TOR1AIP2: variants seen among roughly 807,000 people sequenced by gnomAD.
The protein encoded by TOR1AIP2 is torsin-1A-interacting protein 2.
Under a neutral mutation model 32.6 loss-of-function variants are expected in TOR1AIP2, and 20 were observed. The ratio of observed to expected loss-of-function variants is 0.61; its 90% CI spans 0.43 to 0.89. The LOEUF (loss-of-function observed/expected upper bound fraction) is 0.89, where lower values mean the gene tolerates loss of function less well. Among genes scored for constraint, TOR1AIP2 ranks in the 40% least tolerant of loss-of-function variants. TOR1AIP2 has a pLI of 0.00. For synonymous variants in TOR1AIP2, 214 were observed against 210.8 expected, an observed-to-expected ratio of 1.02 and a Z score of -0.13; for missense variants, 456 against 553.8, an observed-to-expected ratio of 0.82 and a Z score of 1.77.
chr1:179,858,144 C>T (rs1322566852), intron 3 of TOR1AIP2, among the ~76,000 whole-genome samples: 1 of 150,234 alleles, frequency 6.7e-6, no homozygotes. Flanking sequence ...GACCCTGTCT[C>T]GGGGGAAAAA....
intron 2 of TOR1AIP2, among the ~76,000 whole-genome samples, chr1:179,866,301 T>TA (rs1471926555): frequency 6.6e-6 from 1 of 151,966 alleles, no homozygotes; most frequent in Non-Finnish European, 1.5e-5. Context: ...ATAATATTCT[T>TA]AAAAGCTAAC....
Position 179,863,371 on chromosome 1 carries a change from T to C in TOR1AIP2, c.-147+2065A>G, listed in dbSNP as rs138925023. On this transcript the variant is annotated intron_variant, in intron 3 of 6. Coordinates refer to ENST00000609928, the MANE Select transcript of TOR1AIP2 (RefSeq NM_001199260.2). ...TTTCTAATGAGATGTAAGAAGAAAT[T>C]TGCTAGGGATTTTTGGGAAAGACTT... The C allele has an allele frequency of 1.1e-4, 113 of 985,140 alleles. 4 individuals carry two copies. In the East Asian group the frequency reaches 8.3e-3, roughly 72 times the overall value. 61.0% of individuals were successfully genotyped at this position (985,140 alleles called of 1,614,324 possible).
In TOR1AIP2 at chr1:179,843,275, G is replaced by C. The variant is rs570696940; in HGVS notation, c.*2796C>G. ...AATCCTAGCACTTTGAAAGACCAAGGCAGGCGGATCAATTGAGGCCAGGAG... is the reference window on the plus strand; with the variant it reads ...AATCCTAGCACTTTGAAAGACCAAGCCAGGCGGATCAATTGAGGCCAGGAG... On this transcript the variant is annotated 3_prime_UTR_variant, in exon 7 of 7. Coordinates refer to ENST00000609928, the MANE Select transcript of TOR1AIP2 (RefSeq NM_001199260.2). The C allele has an allele frequency of 6.6e-6, 1 of 151,818 alleles. No homozygotes were observed. Among genetic ancestry groups the C allele is most frequent in the Non-Finnish European group, 1.5e-5 (1 of 67,926 alleles). 9.4% of individuals were successfully genotyped at this position (151,818 alleles called of 1,614,324 possible). A position where few individuals can be genotyped will look rare whatever the true frequency, so the allele number is the denominator to read the frequency against.
chr1:179,847,091 A>G (rs1417265893), intron 6 of TOR1AIP2, among the ~76,000 whole-genome samples: 1 of 152,250 alleles, frequency 6.6e-6, no homozygotes, highest in Non-Finnish European at 1.5e-5. Flanking sequence ...ATTTTTAAAA[A>G]TAAAAGGTAA....
Position 179,840,393 on chromosome 1 carries a change from A to C in TOR1AIP2, c.*5678T>G, listed in dbSNP as rs1427803130. Reference sequence around the variant, plus strand: ...AAGTCTAAAATGTTCTTTTTGGTTCATGTAACTGCGCTTAGCCAAAGGCAA... The same window carrying C: ...AAGTCTAAAATGTTCTTTTTGGTTCCTGTAACTGCGCTTAGCCAAAGGCAA... On this transcript the variant is annotated 3_prime_UTR_variant, in exon 7 of 7. Transcript: ENST00000609928. The C allele has an allele frequency of 6.6e-6, 1 of 152,216 alleles. No individual in the cohort carries two copies. Among genetic ancestry groups the C allele is most frequent in the African/African-American group, 2.4e-5 (1 of 41,444 alleles). 9.4% of individuals were successfully genotyped at this position (152,216 alleles called of 1,614,324 possible).
intron 6 of TOR1AIP2, 80 bp downstream of exon 6, chr1:179,847,455 A>G (rs1390214804): frequency 3.1e-5 from 29 of 926,642 alleles, no homozygotes; most frequent in Non-Finnish European, 5.0e-5. Flanking sequence ...AACTGTTTAA[A>G]TCTGCTAGTT....
rs188595385 is a variant in TOR1AIP2, at chr1:179,858,476, A to G, written c.-146-5665T>C. 1.6e-4 allele frequency among the ~76,000 whole-genome samples: 24 copies of G among 152,342 alleles called. No individual in the cohort carries two copies. The East Asian group carries it at 3.9e-3, about 24-fold the overall frequency. ...GAGGTAAATGGGATAAAATGTTCAT[A>G]TATTTTAGATCTGGGCAAAGGTCTT... On this transcript the variant is annotated intron_variant, in intron 3 of 6. Coordinates refer to ENST00000609928, the MANE Select transcript of TOR1AIP2 (RefSeq NM_001199260.2).
chr1:179,852,534 C>A, intron 4 of TOR1AIP2, 98 bp downstream of exon 4: 1 of 1,323,810 alleles, frequency 7.6e-7, no homozygotes, highest in Non-Finnish European at 1.1e-6. Context: ...AGCTTTTTTA[C>A]TTCAAAACCT....
intron 2 of TOR1AIP2, among the ~76,000 whole-genome samples, chr1:179,871,761 CT>C (rs1372232952): frequency 6.6e-6 from 1 of 152,076 alleles, no homozygotes; most frequent in Non-Finnish European, 1.5e-5. Flanking sequence ...ATAATCATAA[CT>C]TTTTTTGTAT....
intron 2 of TOR1AIP2, chr1:179,874,015 T>C (rs1483753906): frequency 1.3e-5 from 2 of 152,200 alleles, no homozygotes; most frequent in Non-Finnish European, 2.9e-5. Flanking sequence ...TCCTAGTTCC[T>C]TTAAAAACCA....
chr1:179,863,315 A>C (rs1262249537), intron 3 of TOR1AIP2: 18 of 984,826 alleles, frequency 1.8e-5, no homozygotes, highest in Non-Finnish European at 2.2e-5. Context: ...CCCTTTGCCA[A>C]GGTTTCCCAG....
intron 4 of TOR1AIP2, among the ~76,000 whole-genome samples, chr1:179,851,903 C>T (rs1696128549): frequency 6.6e-6 from 1 of 152,204 alleles, no homozygotes. Flanking sequence ...TATAGGGATA[C>T]AGGAATACAT....
intron 2 of TOR1AIP2, among the ~76,000 whole-genome samples, chr1:179,866,419 T>G (rs1696775353): frequency 6.6e-6 from 1 of 152,172 alleles, no homozygotes; most frequent in Non-Finnish European, 1.5e-5. Context: ...TGTTTGTTTT[T>G]TTTTCTTTTT....
Position 179,859,043 on chromosome 1 carries a change from A to T in TOR1AIP2, c.-146-6232T>A, listed in dbSNP as rs529003574. On this transcript the variant is annotated intron_variant, in intron 3 of 6. Transcript: ENST00000609928. ...TGACAGTTGGGGTAGAATTAAGTAT[A>T]TATCTTTATTTTTAAACACAATTTT... 77 of 982,374 alleles carry T rather than the reference A, an allele frequency of 7.8e-5. No homozygotes were observed. The African/African-American group carries it at 1.3e-3, about 17-fold the overall frequency. The allele number at this position is 982,374 out of a possible 1,614,324, so 60.9% of individuals were successfully genotyped here. A position where few individuals can be genotyped will look rare whatever the true frequency, so the allele number is the denominator to read the frequency against.
intron 2 of TOR1AIP2, among the ~76,000 whole-genome samples, chr1:179,872,055 C>T (rs575905861): frequency 4.6e-5 from 7 of 152,186 alleles, no homozygotes; most frequent in Non-Finnish European, 8.8e-5. Context: ...ACACTGTTCC[C>T]TCTTTAGAAC....
At chr1:179,876,046 C>A (rs1396213105) in intron 2 of TOR1AIP2, 1 of 152,050 alleles carries the variant, frequency 6.6e-6, no homozygotes, top group Non-Finnish European at 1.5e-5. Flanking sequence ...TGGAAGTTGT[C>A]GAATCTCCAA....
chr1:179,846,969 T>G (rs1256853907), intron 6 of TOR1AIP2, 141 bp from the exon 7 acceptor site: 6 of 824,644 alleles, frequency 7.3e-6, no homozygotes, highest in Non-Finnish European at 1.1e-5. Flanking sequence ...TTGTTTAAAC[T>G]TTCAATCCAC....
intron 3 of TOR1AIP2, chr1:179,859,748 C>T (rs932460890): frequency 3.1e-5 from 31 of 985,418 alleles, no homozygotes; most frequent in Non-Finnish European, 3.7e-5. Context: ...TCTTTACACC[C>T]AAGACCATCT....
chr1:179,872,166 G>A (rs561862053), intron 2 of TOR1AIP2, among the ~76,000 whole-genome samples: 2 of 152,312 alleles, frequency 1.3e-5, no homozygotes, highest in African/African-American at 4.8e-5. Flanking sequence ...AGGTGTGTAT[G>A]CATTGCTACC....
Sources: allele counts gnomAD v4.1 joint callset (sites outside exome capture counted in the v4.1 genomes callset), GRCh38; gene constraint gnomAD v4.1.1; transcripts MANE v1.5; gene names NCBI Gene and HGNC (gene_info 2026-07-23, HGNC 2026-07-21).